Variants in PPIP5K2 observed in about 807,000 individuals in gnomAD.
PPIP5K2 encodes the protein diphosphoinositol pentakisphosphate kinase 2.
In PPIP5K2, 105 loss-of-function variants were observed where a neutral mutation model predicts 154.6. That is an observed-to-expected ratio of 0.68 (90% confidence interval 0.58 to 0.80). PPIP5K2 has a LOEUF of 0.80. Ranked by LOEUF, PPIP5K2 falls within the 30% of genes least tolerant of loss-of-function variation. PPIP5K2 has a pLI of 0.00. For missense variants in PPIP5K2, 992 were observed against 1,504.6 expected, an observed-to-expected ratio of 0.66 and a Z score of 5.64; for synonymous variants, 480 against 490.3, an observed-to-expected ratio of 0.98 and a Z score of 0.28.
In PPIP5K2 at chr5:103,159,234, G is replaced by A; in HGVS notation, c.1826G>A (p.Ser609Asn). Residue 609 changes from serine to asparagine, a missense_variant, in exon 17 of 31, where the codon AGT (serine) becomes AAT (asparagine). Ser to Asn is a conservative substitution (Grantham distance 46). Coordinates refer to ENST00000358359, the MANE Select transcript of PPIP5K2 (RefSeq NM_001276277.3). ...ATGAACGGTCTTTTGGATAGTGATA[G>A]TGACTCTCTGAGCAGTTGTCAGCAA... is the stretch of plus-strand genomic sequence containing the variant. The part of the protein sequence containing the change: ...ANMNGLLDSD[S>N]DSLSSCQQRV... 5 of 1,612,780 alleles carry A rather than the reference G, an allele frequency of 3.1e-6. No individual in the cohort carries two copies. The highest frequency in any genetic ancestry group is 3.4e-6 in the Non-Finnish European group (4 of 1,178,928).
At chr5:103,187,491 A>G (rs186155971) in intron 28 of PPIP5K2, 115 bp downstream of exon 28, 7 of 785,690 alleles carry the variant, frequency 8.9e-6, no homozygotes, top group African/African-American at 5.3e-5. Context: ...CTTAATGTCA[A>G]TTGGCGTACA....
intron 23 of PPIP5K2, among the ~76,000 whole-genome samples, chr5:103,178,647 C>A (rs545318026): frequency 6.6e-6 from 1 of 151,552 alleles, no homozygotes; most frequent in South Asian, 2.1e-4. Context: ...ATTGAGATTA[C>A]CACTACTCTG....
intron 27 of PPIP5K2, 40 bp from the exon 28 acceptor site, chr5:103,187,274 G>A: frequency 2.1e-6 from 3 of 1,456,098 alleles, no homozygotes; most frequent in Non-Finnish European, 2.8e-6. Context: ...TCTTTTTGTA[G>A]CTGTTACGAA....
intron 24 of PPIP5K2, among the ~76,000 whole-genome samples, chr5:103,182,903 A>C (rs974289039): frequency 2.0e-5 from 3 of 152,120 alleles, no homozygotes; most frequent in Admixed American, 6.6e-5. Flanking sequence ...AAAGAAACTT[A>C]CTAAAATATT....
intron 9 of PPIP5K2, among the ~76,000 whole-genome samples, chr5:103,152,287 A>G (rs1291790960): frequency 6.6e-6 from 1 of 151,962 alleles, no homozygotes; most frequent in African/African-American, 2.4e-5. Flanking sequence ...AGCATTATAG[A>G]TGTTCAATAA....
intron 5 of PPIP5K2, among the ~76,000 whole-genome samples, chr5:103,141,172 G>A (rs954920211): frequency 2.0e-5 from 3 of 152,162 alleles, no homozygotes; most frequent in Non-Finnish European, 4.4e-5. Flanking sequence ...TCTTGTGTCC[G>A]GAATTGGTGG....
intron 26 of PPIP5K2, among the ~76,000 whole-genome samples, chr5:103,185,776 G>T (rs186681079): frequency 2.6e-4 from 40 of 152,082 alleles, no homozygotes; most frequent in Non-Finnish European, 4.9e-4. Context: ...TGACTGAAAA[G>T]GACCTGGTCT....
chr5:103,142,501 A>G (rs1224898319), intron 5 of PPIP5K2, among the ~76,000 whole-genome samples: 1 of 152,210 alleles, frequency 6.6e-6, no homozygotes, highest in African/African-American at 2.4e-5. Flanking sequence ...CAGCGGCGGG[A>G]CGAAGGGCTC....
intron 16 of PPIP5K2, among the ~76,000 whole-genome samples, chr5:103,158,940 C>G (rs1053719544): frequency 1.3e-5 from 2 of 151,778 alleles, no homozygotes; most frequent in African/African-American, 4.8e-5. Context: ...AAAAAAAAAC[C>G]AAAATTTTTT....
intron 17 of PPIP5K2, among the ~76,000 whole-genome samples, chr5:103,166,463 A>G (rs1200097848): frequency 2.6e-5 from 4 of 151,936 alleles, no homozygotes; most frequent in Non-Finnish European, 5.9e-5. Flanking sequence ...AAAATATTTA[A>G]GGGGCACTCA....
At position 103,210,317 on chromosome 5, in the gene PPIP5K2, A is replaced by G. The variant is rs1554232518; in HGVS notation, c.*8683A>G. 1 of 152,198 alleles carries G rather than the reference A, an allele frequency of 6.6e-6. No homozygotes were observed. Among genetic ancestry groups the G allele is most frequent in the African/African-American group, 2.4e-5 (1 of 41,456 alleles). The allele number at this position is 152,198 out of a possible 1,614,324, so 9.4% of individuals were successfully genotyped here. A position where few individuals can be genotyped will look rare whatever the true frequency, so the allele number is the denominator to read the frequency against. ...ACCATATGCTTTCCACAGGCTGAGC[A>G]AGAGGATAGATCATTGAATAGATGC... On this transcript the variant is annotated 3_prime_UTR_variant, in exon 31 of 31. Transcript: ENST00000358359.
intron 28 of PPIP5K2, 146 bp downstream of exon 28, chr5:103,187,522 C>G: frequency 1.7e-6 from 1 of 602,090 alleles, no homozygotes; most frequent in African/African-American, 1.9e-5. Flanking sequence ...GTTATTCACC[C>G]AAATTATTGA....
At chr5:103,157,281 T>C (rs767983472) in intron 14 of PPIP5K2, among the ~76,000 whole-genome samples, 3 of 152,198 alleles carry the variant, frequency 2.0e-5, no homozygotes, top group Admixed American at 6.5e-5. Flanking sequence ...CATTAACTTA[T>C]GGTATTTTCT....
chr5:103,129,393 T>C lies in PPIP5K2; in HGVS notation c.-197T>C, dbSNP rs1254912200. On this transcript the variant is annotated 5_prime_UTR_variant, in exon 2 of 31. An upstream start codon of the reference 5' UTR is lost. Coordinates refer to ENST00000358359, the MANE Select transcript of PPIP5K2 (RefSeq NM_001276277.3). ...GCAACAACAACTTTGATATCAACAA[T>C]GAAGCAATGATATCTAAGAACAAAA... 1 of 364,586 alleles carries C rather than the reference T, an allele frequency of 2.7e-6. No homozygotes were observed. The highest frequency in any genetic ancestry group is 4.3e-5 in the East Asian group (1 of 23,040). 22.6% of individuals were successfully genotyped at this position (364,586 alleles called of 1,614,324 possible). A position where few individuals can be genotyped will look rare whatever the true frequency, so the allele number is the denominator to read the frequency against.
chr5:103,193,703 C>T (rs529355073), intron 29 of PPIP5K2, among the ~76,000 whole-genome samples: 1 of 152,034 alleles, frequency 6.6e-6, no homozygotes, highest in Non-Finnish European at 1.5e-5. Flanking sequence ...ACTTTGAGCT[C>T]TTTCAGTTAA....
In PPIP5K2 at chr5:103,204,365, A is replaced by G. The variant is rs1413035867; in HGVS notation, c.*2731A>G. 6 of 152,168 alleles carry G rather than the reference A, an allele frequency of 3.9e-5. No homozygotes were observed. The highest frequency in any genetic ancestry group is 1.4e-4 in the African/African-American group (6 of 41,418). 9.4% of individuals were successfully genotyped at this position (152,168 alleles called of 1,614,324 possible). A position where few individuals can be genotyped will look rare whatever the true frequency, so the allele number is the denominator to read the frequency against. ...TTGGGGTTGGGATCTCTTCTCTTAG[A>G]GTGGCCCAGCAGTTTTAGCCCCTCT... On this transcript the variant is annotated 3_prime_UTR_variant, in exon 31 of 31. Transcript: ENST00000358359.
In PPIP5K2 at chr5:103,183,498, C is replaced by CA. The variant is rs1416369900; in HGVS notation, c.3096+92dup. On this transcript the variant is annotated intron_variant, in intron 25 of 30. Transcript: ENST00000358359. ...TGAGGACATCTAATCCCTTGTATTT[C>CA]ACATCAGAGTAAATCCTTCTGTTTT... is the stretch of plus-strand genomic sequence containing the variant. 32 of 1,077,036 alleles carry CA rather than the reference C, an allele frequency of 3.0e-5. No homozygotes were observed. The African/African-American group carries it at 5.0e-4, about 17-fold the overall frequency. 66.7% of individuals were successfully genotyped at this position (1,077,036 alleles called of 1,614,324 possible). A position where few individuals can be genotyped will look rare whatever the true frequency, so the allele number is the denominator to read the frequency against.
In PPIP5K2 at chr5:103,202,104, A is replaced by G. The variant is rs928345138; in HGVS notation, c.*470A>G. ...AGAGATTTCATTAACCGTTTAGATT[A>G]GAATATCTTTCCCAATTGTTACAGT... On this transcript the variant is annotated 3_prime_UTR_variant, in exon 31 of 31. Transcript: ENST00000358359. The G allele has an allele frequency of 6.5e-6, 1 of 153,172 alleles. No homozygotes were observed. Among genetic ancestry groups the G allele is most frequent in the Non-Finnish European group, 1.5e-5 (1 of 68,440 alleles). The allele number at this position is 153,172 out of a possible 1,614,324, so 9.5% of individuals were successfully genotyped here.
chr5:103,141,600 G>A (rs1218426728), intron 5 of PPIP5K2, among the ~76,000 whole-genome samples: 1 of 152,154 alleles, frequency 6.6e-6, no homozygotes, highest in Non-Finnish European at 1.5e-5. Flanking sequence ...AGATACAAAG[G>A]TTCTCCACGT....
Sources: allele counts gnomAD v4.1 joint callset (sites outside exome capture counted in the v4.1 genomes callset), GRCh38; gene constraint gnomAD v4.1.1; transcripts MANE v1.5; gene names NCBI Gene and HGNC (gene_info 2026-07-23, HGNC 2026-07-21).